Variants in ROBO2 observed in about 807,000 individuals in gnomAD.
The protein encoded by ROBO2 is roundabout guidance receptor 2.
Under a neutral mutation model 160.8 loss-of-function variants are expected in ROBO2, and 53 were observed. The ratio of observed to expected loss-of-function variants is 0.33; its 90% CI spans 0.26 to 0.41. ROBO2 has a LOEUF of 0.41. Among genes scored for constraint, ROBO2 ranks in the 10% least tolerant of loss-of-function variants. The probability of loss-of-function intolerance (pLI) is 1.00; values close to 1 mark genes in which losing one functional copy is unlikely to be tolerated. For synonymous variants in ROBO2, 664 were observed against 611.7 expected (o/e 1.09, Z -1.26); for missense variants, 1,577 against 1,722.4 (o/e 0.92, Z 1.49).
At chr3:76,551,320 T>G (rs1022453496) in intron 2 of ROBO2, among the ~76,000 whole-genome samples, 1 of 152,080 alleles carries the variant, frequency 6.6e-6, no homozygotes, top group Non-Finnish European at 1.5e-5. Context: ...CTCTGAGAGC[T>G]GAATACCCAT....
At chr3:77,635,081 G>GAGAC (rs767626293) in intron 24 of ROBO2, 38 bp downstream of exon 25, 1 of 1,602,594 alleles carries the variant, frequency 6.2e-7, no homozygotes, top group South Asian at 1.1e-5. Context: ...CCTCGCTGAA[G>GAGAC]AGACGTGCTC....
chr3:77,558,902 T>G (rs2093225886), intron 9 of ROBO2, among the ~76,000 whole-genome samples: 1 of 152,250 alleles, frequency 6.6e-6, no homozygotes, highest in East Asian at 1.9e-4. Context: ...ATGACTGAGC[T>G]GTGTCTTTTG....
chr3:76,824,920 C>A (rs942594049), intron 2 of ROBO2, among the ~76,000 whole-genome samples: 5 of 152,088 alleles, frequency 3.3e-5, no homozygotes, highest in African/African-American at 1.2e-4. Flanking sequence ...ACAGTGCTAC[C>A]AAGCATGAAG....
At chr3:76,161,136 C>G (rs1053550900) in intron 2 of ROBO2, among the ~76,000 whole-genome samples, 4 of 151,266 alleles carry the variant, frequency 2.6e-5, no homozygotes, top group African/African-American at 9.7e-5. Context: ...TTGGGTGTTA[C>G]TAAAGTTACT....
chr3:77,172,027 A>G (rs1388186832), intron 2 of ROBO2, among the ~76,000 whole-genome samples: 2 of 152,200 alleles, frequency 1.3e-5, no homozygotes, highest in African/African-American at 4.8e-5. Context: ...CTTAGAGTCA[A>G]TGTATTCTGC....
intron 1 of ROBO2, among the ~76,000 whole-genome samples, chr3:75,930,050 T>A (rs1315166738): frequency 2.0e-5 from 3 of 152,232 alleles, no homozygotes; most frequent in Non-Finnish European, 4.4e-5. Flanking sequence ...TTCAGGCAAG[T>A]TCAGCCATCA....
At chr3:75,917,152 C>A (rs1303115476) in intron 1 of ROBO2, among the ~76,000 whole-genome samples, 1 of 151,730 alleles carries the variant, frequency 6.6e-6, no homozygotes, top group East Asian at 1.9e-4. Context: ...AAGCTCCACA[C>A]GCATTAGCTA....
At chr3:76,434,011 G>T (rs2076554204) in intron 2 of ROBO2, 2 of 1,068,944 alleles carry the variant, frequency 1.9e-6, no homozygotes, top group African/African-American at 3.1e-5. Context: ...CTCTGAGGTG[G>T]TTCATTATGG....
At chr3:76,795,679 C>T (rs114697760) in intron 2 of ROBO2, among the ~76,000 whole-genome samples, 3,316 of 152,222 alleles carry the variant, frequency 0.022, 51 homozygotes, top group Non-Finnish European at 0.037. Flanking sequence ...TCAAACTCAT[C>T]CATGAGGTTT....
intron 2 of ROBO2, among the ~76,000 whole-genome samples, chr3:77,117,216 G>A (rs1366816806): frequency 6.6e-6 from 1 of 151,786 alleles, no homozygotes; most frequent in Non-Finnish European, 1.5e-5. Flanking sequence ...GAATTATTTT[G>A]GAAACAATGT....
intron 2 of ROBO2, among the ~76,000 whole-genome samples, chr3:77,446,260 C>G (rs1378618464): frequency 6.6e-6 from 1 of 152,088 alleles, no homozygotes. Flanking sequence ...TATACACACA[C>G]ACACACATAA....
At chr3:76,657,390 A>G (rs2091586281) in intron 2 of ROBO2, among the ~76,000 whole-genome samples, 2 of 150,246 alleles carry the variant, frequency 1.3e-5, no homozygotes. Context: ...GCGCCCCTGC[A>G]CTCCAGCCTG....
intron 2 of ROBO2, among the ~76,000 whole-genome samples, chr3:77,426,225 A>C (rs1033074579): frequency 1.3e-5 from 2 of 152,130 alleles, no homozygotes; most frequent in Admixed American, 1.3e-4. Context: ...ATTGAGCTGT[A>C]AGGACTCCAA....
At chr3:77,257,370 A>T (rs1332275037) in intron 2 of ROBO2, among the ~76,000 whole-genome samples, 1 of 152,110 alleles carries the variant, frequency 6.6e-6, no homozygotes. Flanking sequence ...AGCAGGTGGG[A>T]TTGTAGAGGA....
At chr3:77,205,514 G>A (rs969934922) in intron 2 of ROBO2, among the ~76,000 whole-genome samples, 1 of 151,900 alleles carries the variant, frequency 6.6e-6, no homozygotes, top group East Asian at 1.9e-4. Context: ...GTACAGGATG[G>A]GGGGACATGG....
intron 2 of ROBO2, among the ~76,000 whole-genome samples, chr3:75,980,610 G>C (rs1287510446): frequency 6.6e-6 from 1 of 151,342 alleles, no homozygotes; most frequent in Non-Finnish European, 1.5e-5. Context: ...TACAAAGCTG[G>C]GCTGCACCTA....
intron 2 of ROBO2, among the ~76,000 whole-genome samples, chr3:76,966,689 T>G (rs2059311913): frequency 6.6e-6 from 1 of 152,200 alleles, no homozygotes; most frequent in East Asian, 1.9e-4. Flanking sequence ...CAGCTAGTTC[T>G]TCCACCTCCC....
intron 2 of ROBO2, among the ~76,000 whole-genome samples, chr3:76,051,874 A>G (rs1237656341): frequency 6.6e-6 from 1 of 152,030 alleles, no homozygotes; most frequent in Non-Finnish European, 1.5e-5. Context: ...AGCTCAGCTT[A>G]TTTAGAGTTT....
intron 2 of ROBO2, among the ~76,000 whole-genome samples, chr3:76,805,304 C>T (rs1376466536): frequency 6.6e-6 from 1 of 151,964 alleles, no homozygotes; most frequent in Non-Finnish European, 1.5e-5. Flanking sequence ...CCACTTAATA[C>T]TTTTACAGCT....
Sources: gnomAD v4.1 joint callset for allele counts (sites outside exome capture counted in the v4.1 genomes callset) on GRCh38, gnomAD v4.1.1 for gene constraint, MANE v1.5 for transcripts, NCBI Gene and HGNC (gene_info 2026-07-23, HGNC 2026-07-21) for gene names.